The following ESYT3 variants were observed in gnomAD, a reference collection of about 807,000 sequenced individuals.
The protein encoded by ESYT3 is extended synaptotagmin-3.
A neutral mutation model predicts 111.5 loss-of-function variants in ESYT3; 101 were observed. The ratio of observed to expected loss-of-function variants is 0.91; its 90% CI spans 0.77 to 1.07. ESYT3 has a LOEUF of 1.07. Among genes scored for constraint, ESYT3 ranks in the 50% least tolerant of loss-of-function variants. ESYT3 has a pLI of 0.00. For synonymous variants in ESYT3, 416 were observed against 446.8 expected, an observed-to-expected ratio of 0.93 and a Z score of 0.87; for missense variants, 1,097 against 1,109.4, an observed-to-expected ratio of 0.99 and a Z score of 0.16.
chr3:138,468,276 G>T, intron 12 of ESYT3, 82 bp downstream of exon 12: 1 of 1,299,292 alleles, frequency 7.7e-7, no homozygotes, highest in South Asian at 1.2e-5. Flanking sequence ...AGGAAGGGTG[G>T]GAGATGATGC....
chr3:138,446,979 A>G (rs1404271191), intron 1 of ESYT3, among the ~76,000 whole-genome samples: 2 of 152,148 alleles, frequency 1.3e-5, no homozygotes, highest in East Asian at 3.9e-4. Context: ...AGGCTGCAGT[A>G]GGCCAAAATC....
intron 18 of ESYT3, chr3:138,473,239 T>C: frequency 1.2e-6 from 1 of 820,696 alleles, no homozygotes; most frequent in Non-Finnish European, 1.7e-6. Flanking sequence ...ACCTTCACAA[T>C]AACCCTACAA....
At chr3:138,467,516 T>C (rs2032989104) in intron 10 of ESYT3, 45 bp from the exon 11 acceptor site, 2 of 1,606,472 alleles carry the variant, frequency 1.2e-6, no homozygotes, top group Non-Finnish European at 1.7e-6. Flanking sequence ...CTCTGCTGCT[T>C]TCTTCCTCTG....
intron 18 of ESYT3, 46 bp from the exon 19 acceptor site, chr3:138,473,490 C>A (rs372146298): frequency 1.3e-6 from 2 of 1,541,752 alleles, no homozygotes; most frequent in Non-Finnish European, 9.0e-7. Context: ...CGGAAGAGGG[C>A]CAATGCTTGT....
intron 9 of ESYT3, among the ~76,000 whole-genome samples, chr3:138,465,049 G>A (rs2032852695): frequency 6.6e-6 from 1 of 152,234 alleles, no homozygotes; most frequent in South Asian, 2.1e-4. Flanking sequence ...TAGACTCACG[G>A]AGGGGCCAGG....
chr3:138,473,690 C>A, intron 19 of ESYT3, 56 bp downstream of exon 19: 1 of 1,440,352 alleles, frequency 6.9e-7, no homozygotes, highest in Non-Finnish European at 9.7e-7. Flanking sequence ...GACCATAAAT[C>A]AGAGTAGGGA....
In ESYT3 at chr3:138,478,777, AGTT is replaced by A. The variant is rs565107825; in HGVS notation, c.*1927_*1929del. 6.6e-6 allele frequency: 1 copy of A among 152,230 alleles called. No homozygotes were observed. The highest frequency in any genetic ancestry group is 1.5e-5 in the Non-Finnish European group (1 of 68,066). 9.4% of individuals were successfully genotyped at this position (152,230 alleles called of 1,614,324 possible). On this transcript the variant is annotated 3_prime_UTR_variant, in exon 23 of 23. Coordinates refer to ENST00000389567, the MANE Select transcript of ESYT3 (RefSeq NM_031913.5). ...TGTGTGAGGGGCAGGGAGCCTGAAA[AGTT>A]GTTAATACCTTGGCTGCCACTGAGG...
chr3:138,442,101 T>C (rs904392513), intron 1 of ESYT3, among the ~76,000 whole-genome samples: 1 of 148,102 alleles, frequency 6.8e-6, no homozygotes, highest in African/African-American at 2.6e-5. Flanking sequence ...TAACTGGTTA[T>C]AAAATGTCTA....
intron 1 of ESYT3, among the ~76,000 whole-genome samples, chr3:138,443,201 G>A (rs2031283533): frequency 6.6e-6 from 1 of 152,220 alleles, no homozygotes; most frequent in Admixed American, 6.5e-5. Flanking sequence ...TTTGCTGGCT[G>A]CGTGTGTTAA....
Position 138,473,046 on chromosome 3 carries a change from T to C in ESYT3, c.2237+187T>C, listed in dbSNP as rs771403457. The C allele has an allele frequency of 2.3e-4, 326 of 1,443,940 alleles. 1 individual carries two copies. The highest frequency in any genetic ancestry group is 2.7e-4 in the Non-Finnish European group (300 of 1,105,728). The allele number at this position is 1,443,940 out of a possible 1,614,324, so 89.4% of individuals were successfully genotyped here. A position where few individuals can be genotyped will look rare whatever the true frequency, so the allele number is the denominator to read the frequency against. On this transcript the variant is annotated intron_variant, in intron 18 of 22. Coordinates refer to ENST00000389567, the MANE Select transcript of ESYT3 (RefSeq NM_031913.5). ...GAGAGAGAGCCAAACAGGCTGTTTATGGCTCTAGCTGCGTACTGACTATAA... is the reference window on the plus strand; with the variant it reads ...GAGAGAGAGCCAAACAGGCTGTTTACGGCTCTAGCTGCGTACTGACTATAA...
chr3:138,468,064 C>G lies in ESYT3; in HGVS notation c.1219-41C>G, dbSNP rs115591106. The G allele has an allele frequency of 1.5e-3, 2,322 of 1,589,810 alleles. 7 individuals are homozygous for G. Among genetic ancestry groups the G allele is most frequent in the African/African-American group, 0.011 (803 of 74,566 alleles). ...TGCCCAGAGAGCATCAGTAGCATCT[C>G]CCTGGCCCTTTTCCCTGAGCTTTCT... On this transcript the variant is annotated intron_variant, in intron 11 of 22. Transcript: ENST00000389567.
At chr3:138,450,383 C>T (rs1160253073) in intron 1 of ESYT3, among the ~76,000 whole-genome samples, 3 of 152,188 alleles carry the variant, frequency 2.0e-5, no homozygotes, top group Admixed American at 6.5e-5. Context: ...CAGGTGGCAT[C>T]ACTCCCACTG....
chr3:138,472,861 T>C lies in ESYT3; in HGVS notation c.2237+2T>C. On this transcript the variant is annotated splice_donor_variant, in intron 18 of 22. Coordinates refer to ENST00000389567, the MANE Select transcript of ESYT3 (RefSeq NM_031913.5). LOFTEE classifies it high-confidence loss of function. The stretch of plus-strand genomic sequence containing the variant: ...GGCAGATATCAGCCTCAACATTGAG[T>C]ATGCACCTCTCTGCTTAATCTTTTC... 1.2e-6 allele frequency: 2 copies of C among 1,612,050 alleles called. No individual in the cohort carries two copies. Among genetic ancestry groups the C allele is most frequent in the African/African-American group, 1.3e-5 (1 of 74,976 alleles).
rs1322544298 is a variant in ESYT3 at position 138,460,605 on chromosome 3, CT to C, written c.739-5del. ...CCAGCCTAATAGCTTCCCTCTGCCC[CT>C]GAAGCACCTACAGATCAACTGGACT... On this transcript the variant is annotated splice_region_variant and splice_polypyrimidine_tract_variant and intron_variant, in intron 6 of 22. Coordinates refer to ENST00000389567, the MANE Select transcript of ESYT3 (RefSeq NM_031913.5). 1 of 1,614,044 alleles carries C rather than the reference CT, an allele frequency of 6.2e-7. No homozygotes were observed. Among genetic ancestry groups the C allele is most frequent in the Admixed American group, 1.7e-5 (1 of 60,016 alleles).
At chr3:138,473,020 G>GGA (rs2033311480) in intron 18 of ESYT3, 161 bp downstream of exon 18, 5 of 1,469,654 alleles carry the variant, frequency 3.4e-6, no homozygotes, top group Non-Finnish European at 4.5e-6. Context: ...ACAGGACAAG[G>GGA]GAGAGAGAGC....
rs1211055070 is a variant in ESYT3, at chr3:138,462,126, C to T, written c.835C>T (p.His279Tyr). 6.2e-7 allele frequency: 1 copy of T among 1,614,064 alleles called. No homozygotes were observed. The highest frequency in any genetic ancestry group is 8.5e-7 in the Non-Finnish European group (1 of 1,180,050). The change falls in exon 8 of 23, where the codon CAC becomes TAC. Residue 279 changes from histidine to tyrosine, a missense_variant. Coordinates refer to ENST00000389567, the MANE Select transcript of ESYT3 (RefSeq NM_031913.5). ...CTTACTGGAGGACCTCATTGCCACC[C>T]ACCTGGTGCTGCCCAACCGTGTGAC... ...DSLLEDLIAT[H>Y]LVLPNRVTVP... is the part of the protein sequence containing the mutation.
At position 138,460,066 on chromosome 3, in the gene ESYT3, C is replaced by T. The variant is rs534760132; in HGVS notation, c.738+32C>T. 7 of 1,595,778 alleles carry T rather than the reference C, an allele frequency of 4.4e-6. No homozygotes were observed. The African/African-American group carries it at 9.4e-5, about 21-fold the overall frequency. On this transcript the variant is annotated intron_variant, in intron 6 of 22. Coordinates refer to ENST00000389567, the MANE Select transcript of ESYT3 (RefSeq NM_031913.5). ...CCCAAGGACTGCGGTAAGCCTGCTG[C>T]TCCCTGGGAGTAGGCACTGGTCTGC...
At chr3:138,474,457 C>A in intron 20 of ESYT3, 105 bp downstream of exon 20, 1 of 1,277,746 alleles carries the variant, frequency 7.8e-7, no homozygotes, top group Non-Finnish European at 1.1e-6. Flanking sequence ...GGGGCTATGG[C>A]TGAACAAGAC....
At chr3:138,459,635 C>G (rs1033816563) in intron 5 of ESYT3, among the ~76,000 whole-genome samples, 1 of 152,226 alleles carries the variant, frequency 6.6e-6, no homozygotes, top group Non-Finnish European at 1.5e-5. Context: ...GGAAATCATT[C>G]CTGGGTTCCT....
Sources: allele counts gnomAD v4.1 joint callset (sites outside exome capture counted in the v4.1 genomes callset), GRCh38; gene constraint gnomAD v4.1.1; transcripts MANE v1.5; gene names NCBI Gene and HGNC (gene_info 2026-07-23, HGNC 2026-07-21).